The following SIL1 variants were observed in gnomAD, a reference collection of about 807,000 sequenced individuals.
The protein encoded by SIL1 is SIL1 nucleotide exchange factor, also known as nucleotide exchange factor SIL1.
Under a neutral mutation model 49.1 loss-of-function variants are expected in SIL1, and 40 were observed. The ratio of observed to expected loss-of-function variants is 0.81; its 90% CI spans 0.63 to 1.06. The LOEUF is 1.06. SIL1 is among the 50% of genes least tolerant of loss of function. The pLI, the probability that SIL1 is intolerant of heterozygous loss-of-function variation, is 0.00. For missense variants in SIL1, 500 were observed against 572.6 expected (o/e 0.87, Z 1.29); for synonymous variants, 253 against 250.8 (o/e 1.01, Z -0.08).
chr5:139,174,428 T>A (rs1004470410), intron 1 of SIL1, among the ~76,000 whole-genome samples: 69 of 151,586 alleles, frequency 4.6e-4, no homozygotes, highest in Admixed American at 2.4e-3. Context: ...GCCCAGGAGG[T>A]CATGACTACG....
Position 138,947,512 on chromosome 5 carries a change from GT to G in SIL1, c.1030-40del, listed in dbSNP as rs775709351. ...CAGCCGCAGGCCAGGTAGGGTGGGG[GT>G]GGGGAGAGAACACACAGGGAGCAGT... On this transcript the variant is annotated intron_variant, in intron 9 of 9. Transcript: ENST00000394817. This position sits in a 1 kb window ranked among gnomAD's most constrained non-coding sequence, Gnocchi z 4.1. 2 of 1,582,868 alleles carry G rather than the reference GT, an allele frequency of 1.3e-6. No individual in the cohort carries two copies. The highest frequency in any genetic ancestry group is 1.7e-6 in the Non-Finnish European group (2 of 1,152,486).
At chr5:138,998,745 C>G (rs1355774381) in intron 7 of SIL1, among the ~76,000 whole-genome samples, 1 of 152,152 alleles carries the variant, frequency 6.6e-6, no homozygotes, top group Non-Finnish European at 1.5e-5. Flanking sequence ...GGATTTGCCC[C>G]CTGTGATCCA....
chr5:139,063,229 C>T (rs1207839054), intron 3 of SIL1, among the ~76,000 whole-genome samples: 1 of 152,154 alleles, frequency 6.6e-6, no homozygotes, highest in Non-Finnish European at 1.5e-5. Flanking sequence ...TTGTTGTGGC[C>T]CTGCCAGCCC....
rs183809459 is a variant in SIL1, at chr5:139,062,950, G to C, written c.245-11904C>G. Among the ~76,000 whole-genome samples, 600 of 152,336 alleles carry C rather than the reference G, an allele frequency of 3.9e-3. 4 individuals are homozygous for C. The highest frequency in any genetic ancestry group is 7.2e-3 in the Non-Finnish European group (490 of 68,038). ...GAACAAGACCAATGCCTGCCATTGA[G>C]AAGTATGACATAAATGGGGAGAGAA... is the stretch of plus-strand genomic sequence containing the variant. On this transcript the variant is annotated intron_variant, in intron 3 of 9. Transcript: ENST00000394817.
intron 6 of SIL1, chr5:139,022,020 G>A (rs1332834894): frequency 1.3e-5 from 2 of 153,718 alleles, no homozygotes; most frequent in South Asian, 2.0e-4. Flanking sequence ...CCCCAAGTCC[G>A]GATTCTCTCT....
chr5:139,034,641 G>A (rs1264704502), intron 5 of SIL1, among the ~76,000 whole-genome samples: 3 of 152,078 alleles, frequency 2.0e-5, no homozygotes, highest in African/African-American at 7.2e-5. Flanking sequence ...CCTCCTAATT[G>A]TCTTCAAAAT....
intron 3 of SIL1, among the ~76,000 whole-genome samples, chr5:139,111,420 C>T (rs575578237): frequency 5.3e-5 from 8 of 152,306 alleles, no homozygotes; most frequent in African/African-American, 1.7e-4. Context: ...AACACTGATT[C>T]CTTTCCCCTC....
chr5:139,120,193 G>A (rs372768511), intron 3 of SIL1, among the ~76,000 whole-genome samples: 27 of 152,330 alleles, frequency 1.8e-4, no homozygotes, highest in African/African-American at 6.0e-4. Context: ...GGCAGCTGCT[G>A]GGGCTTGCCA....
chr5:139,065,883 G>A (rs1184255586), intron 3 of SIL1, among the ~76,000 whole-genome samples: 3 of 152,204 alleles, frequency 2.0e-5, no homozygotes, highest in Admixed American at 6.5e-5. Flanking sequence ...AGGCCCTACT[G>A]ACTACTTGTG....
chr5:139,101,380 T>C (rs1033819070), intron 3 of SIL1, among the ~76,000 whole-genome samples: 2 of 152,206 alleles, frequency 1.3e-5, no homozygotes, highest in Admixed American at 1.3e-4. Context: ...TTTACCTAAT[T>C]ACTCTCATAG....
intron 7 of SIL1, among the ~76,000 whole-genome samples, chr5:138,981,915 G>A (rs1433770692): frequency 6.6e-6 from 1 of 152,000 alleles, no homozygotes; most frequent in African/African-American, 2.4e-5. Flanking sequence ...ACGCTGCCTG[G>A]GTTCATGTCT....
intron 3 of SIL1, among the ~76,000 whole-genome samples, chr5:139,099,424 G>A (rs946049031): frequency 5.3e-5 from 8 of 152,066 alleles, no homozygotes; most frequent in Non-Finnish European, 2.9e-5. Flanking sequence ...TTCCACTGCC[G>A]GATATATACC....
intron 7 of SIL1, among the ~76,000 whole-genome samples, chr5:138,973,413 T>C (rs1156606057): frequency 6.6e-6 from 1 of 151,718 alleles, no homozygotes; most frequent in African/African-American, 2.4e-5. Flanking sequence ...GAGTGCAAAA[T>C]AGAAAGGAAA....
At chr5:138,962,904 C>T (rs1013232706) in intron 7 of SIL1, among the ~76,000 whole-genome samples, 3 of 152,130 alleles carry the variant, frequency 2.0e-5, no homozygotes, top group Admixed American at 6.5e-5. Context: ...TGGAAGAAAG[C>T]GGGCTAAAGA....
Position 138,962,195 on chromosome 5 carries a change from A to G in SIL1, c.768-10311T>C, listed in dbSNP as rs560495575. On this transcript the variant is annotated intron_variant, in intron 7 of 9. Transcript: ENST00000394817. ...CTTCTGTGCCAGTTTTATAATTTCA[A>G]TTGAGAAAGCCTCTTCTACACGGAG... 1.1e-4 allele frequency among the ~76,000 whole-genome samples: 16 copies of G among 152,240 alleles called. No individual in the cohort carries two copies. In the South Asian group the frequency reaches 3.3e-3, roughly 32 times the overall value.
chr5:139,164,116 CAAAAAA>C (rs397999400), intron 1 of SIL1, among the ~76,000 whole-genome samples: 1 of 114,682 alleles, frequency 8.7e-6, no homozygotes, highest in Non-Finnish European at 1.8e-5. Flanking sequence ...GAGAATGTCT[CAAAAAA>C]AAAAAAAAAA....
chr5:139,117,492 C>T (rs1771018979), intron 3 of SIL1, among the ~76,000 whole-genome samples: 1 of 152,172 alleles, frequency 6.6e-6, no homozygotes, highest in Admixed American at 6.5e-5. Context: ...ATTGAAGTGG[C>T]TGTGACCAGC....
chr5:138,997,472 G>A lies in SIL1; in HGVS notation c.767+23699C>T, dbSNP rs112518494. On this transcript the variant is annotated intron_variant, in intron 7 of 9. Transcript: ENST00000394817. ...GTGTGGATTTACACCTGGGTTCTGGGTTCTGTTCCATTGGTCTTTGTGTCT... is the reference window on the plus strand; with the variant it reads ...GTGTGGATTTACACCTGGGTTCTGGATTCTGTTCCATTGGTCTTTGTGTCT... Among the ~76,000 whole-genome samples, 1,138 of 152,202 alleles carry A rather than the reference G, an allele frequency of 7.5e-3. 12 individuals are homozygous for A. The highest frequency in any genetic ancestry group is 0.021 in the African/African-American group (881 of 41,522).
chr5:139,045,517 G>A (rs531459937), intron 4 of SIL1, among the ~76,000 whole-genome samples: 4 of 151,898 alleles, frequency 2.6e-5, no homozygotes, highest in South Asian at 2.1e-4. Context: ...TCTCCACCTC[G>A]ACATCCTCCC....
Sources: allele counts gnomAD v4.1 joint callset (sites outside exome capture counted in the v4.1 genomes callset), GRCh38; gene constraint gnomAD v4.1.1; non-coding constraint Gnocchi (gnomAD v3.1); transcripts MANE v1.5; gene names NCBI Gene and HGNC (gene_info 2026-07-23, HGNC 2026-07-21).